The following TLN2 variants were observed in gnomAD, a reference collection of about 807,000 sequenced individuals.
TLN2 encodes talin-2.
TLN2 carries 118 observed loss-of-function variants against 294.7 expected under a neutral mutation model. That is an observed-to-expected ratio of 0.40 (90% confidence interval 0.34 to 0.47). TLN2 has a LOEUF of 0.47. Ranked by LOEUF, TLN2 falls within the 20% of genes least tolerant of loss-of-function variation. The probability of loss-of-function intolerance (pLI) is 0.84; values close to 1 mark genes in which losing one functional copy is unlikely to be tolerated. For missense variants in TLN2, 3,083 were observed against 3,282.2 expected (o/e 0.94, Z 1.48); for synonymous variants, 1,431 against 1,304.5 (o/e 1.10, Z -2.09).
intron 1 of TLN2, among the ~76,000 whole-genome samples, chr15:62,588,644 C>CAT (rs986795878): frequency 2.3e-4 from 25 of 109,716 alleles, no homozygotes; most frequent in African/African-American, 3.2e-4. Context: ...AAAAAAAATA[C>CAT]ATATATATAT....
chr15:62,824,296 A>G (rs560867359), intron 54 of TLN2, among the ~76,000 whole-genome samples: 4 of 152,340 alleles, frequency 2.6e-5, no homozygotes, highest in South Asian at 4.1e-4. Context: ...AAGGAATTCA[A>G]TATGCTTGGT....
chr15:62,693,955 C>CTTTTTTTTTTTTTTT (rs71131123), intron 13 of TLN2, among the ~76,000 whole-genome samples: 2 of 94,228 alleles, frequency 2.1e-5, no homozygotes, highest in African/African-American at 8.0e-5. Context: ...GATTTTCTTT[C>CTTTTTTTTTTTTTTT]TTTTTTTTTT....
At chr15:62,516,414 C>T (rs1026390776) in intron 1 of TLN2, among the ~76,000 whole-genome samples, 2 of 152,148 alleles carry the variant, frequency 1.3e-5, no homozygotes, top group Non-Finnish European at 2.9e-5. Flanking sequence ...TCACATTATG[C>T]AGTTAGGAGT....
intron 41 of TLN2, among the ~76,000 whole-genome samples, chr15:62,770,071 G>T (rs1036688433): frequency 2.0e-5 from 3 of 152,212 alleles, no homozygotes; most frequent in Admixed American, 1.3e-4. Flanking sequence ...AAGTGAAAGA[G>T]ACCACAGACT....
Position 62,686,685 on chromosome 15 carries a change from G to A in TLN2, c.1002G>A (p.Gly334=), listed in dbSNP as rs1172293199. 2.5e-6 allele frequency: 4 copies of A among 1,614,012 alleles called. No individual in the cohort carries two copies. In the South Asian group the frequency reaches 4.4e-5, roughly 18 times the overall value. ...ACAAGCTGGTGCCTCGCCTGCTGGGGATCACCAAAGACTCGGTGATGCGCG... is the reference window on the plus strand; with the variant it reads ...ACAAGCTGGTGCCTCGCCTGCTGGGAATCACCAAAGACTCGGTGATGCGCG... ...GKNKLVPRLL[G]ITKDSVMRVD... Residue 334 remains glycine, a synonymous_variant, in exon 12 of 59, where the codon GGG becomes GGA. Transcript: ENST00000636159.
intron 1 of TLN2, among the ~76,000 whole-genome samples, chr15:62,536,052 T>C (rs1009354406): frequency 5.3e-5 from 8 of 152,208 alleles, no homozygotes; most frequent in African/African-American, 1.9e-4. Context: ...TTTATTATTA[T>C]TGTTACTATT....
intron 55 of TLN2, 57 bp downstream of exon 55, chr15:62,833,686 C>A (rs2069127153): frequency 5.7e-6 from 9 of 1,577,168 alleles, no homozygotes; most frequent in Non-Finnish European, 7.7e-6. Context: ...CCTCAGGGGG[C>A]CCAGGAAAAG....
chr15:62,491,351 T>TACAC (rs1166046640), intron 1 of TLN2, among the ~76,000 whole-genome samples: 8,312 of 100,070 alleles, frequency 0.083, 354 homozygotes, highest in Admixed American at 0.12. Flanking sequence ...TATATATATA[T>TACAC]ACACACACAC....
At chr15:62,597,211 A>G (rs928783390) in intron 2 of TLN2, among the ~76,000 whole-genome samples, 6 of 152,196 alleles carry the variant, frequency 3.9e-5, no homozygotes, top group Non-Finnish European at 7.4e-5. Context: ...CCTCAATTTC[A>G]GGCAGCTGTA....
intron 16 of TLN2, among the ~76,000 whole-genome samples, chr15:62,700,011 C>CA (rs2058615099): frequency 6.6e-6 from 1 of 152,174 alleles, no homozygotes; most frequent in Non-Finnish European, 1.5e-5. Context: ...AACTGCCCTC[C>CA]AAGTTCTCCC....
chr15:62,833,701 A>G, intron 55 of TLN2, 72 bp downstream of exon 55: 1 of 1,567,124 alleles, frequency 6.4e-7, no homozygotes, highest in African/African-American at 1.4e-5. Flanking sequence ...GAAAAGAGCT[A>G]CAAGCTTTTG....
At chr15:62,614,018 G>A (rs530056089) in intron 2 of TLN2, among the ~76,000 whole-genome samples, 1 of 152,292 alleles carries the variant, frequency 6.6e-6, no homozygotes, top group South Asian at 2.1e-4. Context: ...GAAAACTTTT[G>A]AAGCTAATGG....
At chr15:62,451,682 A>T (rs887664520) in intron 1 of TLN2, among the ~76,000 whole-genome samples, 1 of 152,194 alleles carries the variant, frequency 6.6e-6, no homozygotes, top group African/African-American at 2.4e-5. Flanking sequence ...AATTGGCTCC[A>T]CAACCCTGAT....
intron 1 of TLN2, among the ~76,000 whole-genome samples, chr15:62,470,292 A>G (rs900447262): frequency 2.0e-5 from 3 of 152,238 alleles, no homozygotes; most frequent in East Asian, 1.9e-4. Flanking sequence ...TTTAACCCAG[A>G]CAGTCAACCG....
At chr15:62,582,243 C>T (rs1311072791) in intron 1 of TLN2, among the ~76,000 whole-genome samples, 1 of 145,056 alleles carries the variant, frequency 6.9e-6, no homozygotes, top group Non-Finnish European at 1.5e-5. Context: ...CACACACACA[C>T]ACACATTCAT....
chr15:62,631,201 C>A (rs1389348501), intron 3 of TLN2, among the ~76,000 whole-genome samples: 4 of 152,058 alleles, frequency 2.6e-5, no homozygotes, highest in African/African-American at 9.7e-5. Context: ...CTTTCTGCCT[C>A]CTCTCCTTGT....
At chr15:62,486,452 G>GTTTTTTTTTTT (rs34975634) in intron 1 of TLN2, among the ~76,000 whole-genome samples, 2 of 93,290 alleles carry the variant, frequency 2.1e-5, no homozygotes, top group Non-Finnish European at 4.5e-5. Flanking sequence ...CAGTTCCTTT[G>GTTTTTTTTTTT]TTTTTTTTTT....
At chr15:62,399,256 C>CAAACAAA (rs1555402098) in intron 1 of TLN2, among the ~76,000 whole-genome samples, 1 of 58,430 alleles carries the variant, frequency 1.7e-5, no homozygotes, top group African/African-American at 7.4e-5. Flanking sequence ...CCGTCTCAAA[C>CAAACAAA]AAAAAAAAAA....
intron 19 of TLN2, among the ~76,000 whole-genome samples, chr15:62,706,496 T>C (rs754007879): frequency 1.8e-4 from 28 of 152,286 alleles, no homozygotes; most frequent in Non-Finnish European, 3.2e-4. Context: ...TAACTCATGT[T>C]CAGAGCATTT....
Sources: gnomAD v4.1 joint callset for allele counts (sites outside exome capture counted in the v4.1 genomes callset) on GRCh38, gnomAD v4.1.1 for gene constraint, MANE v1.5 for transcripts, NCBI Gene and HGNC (gene_info 2026-07-23, HGNC 2026-07-21) for gene names.